LRMDA: variants seen among roughly 807,000 people sequenced by gnomAD.
The protein encoded by LRMDA is leucine rich melanocyte differentiation associated.
A neutral mutation model predicts 29.8 loss-of-function variants in LRMDA; 18 were observed. That is an observed-to-expected ratio of 0.60 (90% CI 0.42 to 0.90). The LOEUF (loss-of-function observed/expected upper bound fraction) is 0.90, where lower values mean the gene tolerates loss of function less well. Among genes scored for constraint, LRMDA ranks in the 40% least tolerant of loss-of-function variants. LRMDA has a pLI of 0.00. For synonymous variants in LRMDA, 125 were observed against 109.4 expected, an observed-to-expected ratio of 1.14 and a Z score of -0.89; for missense variants, 273 against 273.9, an observed-to-expected ratio of 1.00 and a Z score of 0.02.
intron 2 of LRMDA, among the ~76,000 whole-genome samples, chr10:75,805,027 C>T (rs1218335426): frequency 2.0e-5 from 3 of 152,154 alleles, no homozygotes; most frequent in African/African-American, 7.2e-5. Flanking sequence ...GTGAATCCCA[C>T]CTTCTGCCTC....
intron 5 of LRMDA, among the ~76,000 whole-genome samples, chr10:76,277,289 G>A (rs1840148016): frequency 6.6e-6 from 1 of 152,124 alleles, no homozygotes; most frequent in Non-Finnish European, 1.5e-5. Context: ...TCACCTCTTG[G>A]TGGGTAGCTT....
chr10:75,611,371 T>C (rs74147136), intron 2 of LRMDA, among the ~76,000 whole-genome samples: 14,722 of 152,102 alleles, frequency 0.097, 2,262 homozygotes, highest in African/African-American at 0.33. Context: ...TGTAATAAAA[T>C]TTACCATTCA....
chr10:76,182,015 T>G (rs1221014201), intron 5 of LRMDA, among the ~76,000 whole-genome samples: 1 of 152,334 alleles, frequency 6.6e-6, no homozygotes, highest in African/African-American at 2.4e-5. Context: ...CCCCATTTTT[T>G]TATTTGGAGA....
At chr10:75,732,764 G>T (rs771916167) in intron 2 of LRMDA, among the ~76,000 whole-genome samples, 1 of 152,168 alleles carries the variant, frequency 6.6e-6, no homozygotes, top group Non-Finnish European at 1.5e-5. Context: ...TTGTAGGATG[G>T]CTTACTTTTG....
At chr10:76,030,005 C>T (rs1406890813) in intron 2 of LRMDA, among the ~76,000 whole-genome samples, 1 of 152,180 alleles carries the variant, frequency 6.6e-6, no homozygotes, top group East Asian at 1.9e-4. Context: ...AAGCGATTCT[C>T]TTGCCTCAGC....
intron 2 of LRMDA, among the ~76,000 whole-genome samples, chr10:75,568,874 G>A (rs915601801): frequency 5.9e-5 from 9 of 152,212 alleles, no homozygotes; most frequent in African/African-American, 2.2e-4. Context: ...ACTCACTTGT[G>A]TCTGTACAGC....
chr10:76,206,496 C>A (rs1191264073), intron 5 of LRMDA, among the ~76,000 whole-genome samples: 1 of 152,146 alleles, frequency 6.6e-6, no homozygotes, highest in Non-Finnish European at 1.5e-5. Flanking sequence ...GATCTTACAC[C>A]CCTTGTGATC....
intron 2 of LRMDA, among the ~76,000 whole-genome samples, chr10:75,671,556 T>C (rs1173044524): frequency 6.6e-6 from 1 of 152,128 alleles, no homozygotes; most frequent in East Asian, 1.9e-4. Context: ...AAACACCACA[T>C]GTTCTCACTC....
intron 2 of LRMDA, among the ~76,000 whole-genome samples, chr10:75,955,291 T>G (rs1846645385): frequency 6.6e-6 from 1 of 152,184 alleles, no homozygotes; most frequent in South Asian, 2.1e-4. Flanking sequence ...GAATGCTTGA[T>G]GCAGGTTGAA....
intron 6 of LRMDA, among the ~76,000 whole-genome samples, chr10:76,403,040 A>C (rs1415049980): frequency 2.0e-5 from 3 of 151,748 alleles, no homozygotes; most frequent in Non-Finnish European, 4.4e-5. Flanking sequence ...GGAGCCCCAG[A>C]AGTGTTTTAT....
intron 6 of LRMDA, among the ~76,000 whole-genome samples, chr10:76,471,047 C>G (rs1842612644): frequency 6.6e-6 from 1 of 151,576 alleles, no homozygotes; most frequent in African/African-American, 2.4e-5. Flanking sequence ...ACAGTAACAG[C>G]ACAATGGAGA....
intron 4 of LRMDA, among the ~76,000 whole-genome samples, chr10:76,053,974 A>C (rs575491694): frequency 6.6e-6 from 1 of 152,304 alleles, no homozygotes; most frequent in East Asian, 1.9e-4. Context: ...TGTGTTGGGA[A>C]GTCTCCAGGA....
intron 6 of LRMDA, among the ~76,000 whole-genome samples, chr10:76,488,752 A>G (rs1842806093): frequency 6.6e-6 from 1 of 151,866 alleles, no homozygotes; most frequent in South Asian, 2.1e-4. Context: ...AGTTGCTCCA[A>G]ATCCTCACCA....
In LRMDA at chr10:76,064,486, C is replaced by T. The variant is rs548041283; in HGVS notation, c.516+5703C>T. 5.3e-5 allele frequency among the ~76,000 whole-genome samples: 8 copies of T among 152,280 alleles called. No individual in the cohort carries two copies. The East Asian group carries it at 1.4e-3, about 26-fold the overall frequency. Reference sequence around the variant, plus strand: ...TAGTTACAATGAAATTTTCCGTCTTCGCCGCTATTGTATTTTTTGTCTATA... The same window carrying T: ...TAGTTACAATGAAATTTTCCGTCTTTGCCGCTATTGTATTTTTTGTCTATA... On this transcript the variant is annotated intron_variant, in intron 5 of 6. Coordinates refer to ENST00000611255, the MANE Select transcript of LRMDA (RefSeq NM_001305581.2).
rs528514670 is a variant in LRMDA, at chr10:75,665,610, A to G, written c.131+227116A>G. On this transcript the variant is annotated intron_variant, in intron 2 of 6. Transcript: ENST00000611255. ...CAAAACTTTAAAATGAATTTTCTCT[A>G]TATTAGTTTAGAACAAAGTCTGACC... Among the ~76,000 whole-genome samples the G allele has an allele frequency of 5.9e-5, 9 of 152,362 alleles. No individual in the cohort carries two copies. In the South Asian group the frequency reaches 1.4e-3, roughly 25 times the overall value.
At chr10:76,099,576 A>G (rs982095580) in intron 5 of LRMDA, among the ~76,000 whole-genome samples, 3 of 149,230 alleles carry the variant, frequency 2.0e-5, no homozygotes, top group Admixed American at 6.7e-5. Context: ...CTTTAGCTGC[A>G]TCCCATGTAT....
chr10:75,516,922 A>G (rs917571545), intron 2 of LRMDA, among the ~76,000 whole-genome samples: 2 of 152,146 alleles, frequency 1.3e-5, no homozygotes, highest in African/African-American at 4.8e-5. Context: ...ACATATGGCT[A>G]GCCAGTTTTC....
chr10:75,860,199 G>A (rs149933144), intron 2 of LRMDA, among the ~76,000 whole-genome samples: 2 of 152,050 alleles, frequency 1.3e-5, no homozygotes, highest in Admixed American at 6.6e-5. Flanking sequence ...TGTGCAAGAG[G>A]TCACCTTGCT....
chr10:76,535,232 T>C (rs1843277748), intron 6 of LRMDA, among the ~76,000 whole-genome samples: 1 of 152,132 alleles, frequency 6.6e-6, no homozygotes, highest in Non-Finnish European at 1.5e-5. Context: ...GTCTTATGCA[T>C]TTTTGTGAAA....
Sources: allele counts gnomAD v4.1 joint callset (sites outside exome capture counted in the v4.1 genomes callset), GRCh38; gene constraint gnomAD v4.1.1; transcripts MANE v1.5; gene names NCBI Gene and HGNC (gene_info 2026-07-23, HGNC 2026-07-21).